The following PUS7 variants were observed in gnomAD, a reference collection of about 807,000 sequenced individuals.
PUS7 encodes the protein pseudouridylate synthase 7 homolog.
Under a neutral mutation model 79.8 loss-of-function variants are expected in PUS7, and 48 were observed. The ratio of observed to expected loss-of-function variants is 0.60; its 90% CI spans 0.48 to 0.76. The LOEUF (loss-of-function observed/expected upper bound fraction) is 0.76. Among genes scored for constraint, PUS7 ranks in the 30% least tolerant of loss-of-function variants. PUS7 has a pLI of 0.00. For synonymous variants in PUS7, 286 were observed against 272.2 expected, an observed-to-expected ratio of 1.05 and a Z score of -0.50; for missense variants, 729 against 797.6, an observed-to-expected ratio of 0.91 and a Z score of 1.04.
At chr7:105,462,351 G>C (rs551603945) in intron 14 of PUS7, 62 of 312,752 alleles carry the variant, frequency 2.0e-4, no homozygotes, top group Non-Finnish European at 2.9e-4. Flanking sequence ...AGAATCGCTT[G>C]AACCTGGGAG....
In PUS7 at chr7:105,508,105, C is replaced by T; in HGVS notation, c.398+10G>A. 5 of 1,602,546 alleles carry T rather than the reference C, an allele frequency of 3.1e-6. No homozygotes were observed. The highest frequency in any genetic ancestry group is 4.3e-6 in the Non-Finnish European group (5 of 1,174,348). ...CAATCAAAATAACTTTATTCATAAA[C>T]TAAATGTACCTTTCTTTTAAGATTC... is the stretch of plus-strand genomic sequence containing the variant. On this transcript the variant is annotated intron_variant, in intron 2 of 15. Coordinates refer to ENST00000469408, the MANE Select transcript of PUS7 (RefSeq NM_019042.5).
chr7:105,465,350 G>A lies in PUS7; in HGVS notation c.1590C>T (p.Pro530=), dbSNP rs186485849. The part of the protein sequence containing the change: ...NNYSIHDVVM[P]LPGFDVIYPK... Reference sequence around the variant, plus strand: ...GGTAGATAACATCGAAACCAGGCAAGGGCATTACCACATCATGGATAGAGT... The same window carrying A: ...GGTAGATAACATCGAAACCAGGCAAAGGCATTACCACATCATGGATAGAGT... The change falls in exon 13 of 16, where the codon CCC becomes CCT. Residue 530 remains proline, a synonymous_variant. Transcript: ENST00000469408. 4.3e-5 allele frequency: 69 copies of A among 1,613,596 alleles called. No individual in the cohort carries two copies. In the East Asian group the frequency reaches 1.5e-3, roughly 35 times the overall value.
intron 4 of PUS7, among the ~76,000 whole-genome samples, chr7:105,504,698 C>A (rs1825386392): frequency 6.6e-6 from 1 of 152,134 alleles, no homozygotes; most frequent in Non-Finnish European, 1.5e-5. Context: ...CTAAGATAAA[C>A]CTCTGCATTG....
intron 4 of PUS7, 73 bp downstream of exon 4, chr7:105,505,882 A>G: frequency 1.7e-6 from 2 of 1,197,540 alleles, no homozygotes; most frequent in South Asian, 1.4e-5. Context: ...AATTTTTTCC[A>G]TAAACACTTA....
At chr7:105,497,327 T>C (rs1176247114) in intron 5 of PUS7, among the ~76,000 whole-genome samples, 1 of 152,232 alleles carries the variant, frequency 6.6e-6, no homozygotes, top group African/African-American at 2.4e-5. Flanking sequence ...TTTACTTAAA[T>C]ATGGGAGGAC....
At chr7:105,496,220 T>TAGAG (rs1350234352) in intron 5 of PUS7, among the ~76,000 whole-genome samples, 1,101 of 83,114 alleles carry the variant, frequency 0.013, 4 homozygotes, top group African/African-American at 0.033. Flanking sequence ...TATATATATA[T>TAGAG]ATATATAGAG....
In PUS7 at chr7:105,481,064, T is replaced by C. The variant is rs1562797987; in HGVS notation, c.1163A>G (p.Tyr388Cys). 6.2e-7 allele frequency: 1 copy of C among 1,610,306 alleles called. No individual in the cohort carries two copies. The highest frequency in any genetic ancestry group is 8.5e-7 in the Non-Finnish European group (1 of 1,178,304). ...QRFGTTAVPT[Y>C]QVGRAILQNS... Reference sequence around the variant, plus strand: ...ATTAAATACCAACCTTCCAACCTGATACGTAGGGACAGCTGTGGTTCCAAA... The same window carrying C: ...ATTAAATACCAACCTTCCAACCTGACACGTAGGGACAGCTGTGGTTCCAAA... Residue 388 changes from tyrosine to cysteine, a missense_variant, in exon 9 of 16, where the codon TAT (tyrosine) becomes TGT (cysteine). Coordinates refer to ENST00000469408, the MANE Select transcript of PUS7 (RefSeq NM_019042.5).
At chr7:105,462,840 C>G in intron 13 of PUS7, 90 bp from the exon 14 acceptor site, 1 of 1,207,102 alleles carries the variant, frequency 8.3e-7, no homozygotes, top group South Asian at 1.4e-5. Flanking sequence ...AATGTAAGTT[C>G]AGTTAGACTG....
chr7:105,491,319 G>A (rs1392267325), intron 7 of PUS7, among the ~76,000 whole-genome samples: 2 of 152,000 alleles, frequency 1.3e-5, no homozygotes, highest in Non-Finnish European at 2.9e-5. Context: ...AGAGAAAGAA[G>A]CATTATTCTC....
intron 5 of PUS7, 71 bp downstream of exon 5, chr7:105,502,349 C>T (rs1005455298): frequency 8.3e-6 from 13 of 1,575,286 alleles, no homozygotes; most frequent in Middle Eastern, 1.7e-4. Context: ...CACGAACGGG[C>T]AAGGCTAACG....
intron 1 of PUS7, among the ~76,000 whole-genome samples, chr7:105,510,611 T>C: frequency 6.6e-6 from 1 of 151,966 alleles, no homozygotes; most frequent in East Asian, 2.0e-4. Flanking sequence ...CCTCCTGGGC[T>C]CAAGCCATCC....
intron 7 of PUS7, among the ~76,000 whole-genome samples, chr7:105,485,719 C>T (rs1824517190): frequency 6.6e-6 from 1 of 152,230 alleles, no homozygotes; most frequent in Non-Finnish European, 1.5e-5. Flanking sequence ...TGAATACGTA[C>T]TAAATCCTTG....
chr7:105,492,743 G>A (rs1010680159), intron 6 of PUS7, among the ~76,000 whole-genome samples: 25 of 151,828 alleles, frequency 1.6e-4, no homozygotes, highest in Admixed American at 3.3e-4. Flanking sequence ...TCCTGACCTC[G>A]TGATCCGCCC....
intron 1 of PUS7, among the ~76,000 whole-genome samples, chr7:105,518,861 C>T (rs1254244311): frequency 4.0e-5 from 6 of 151,228 alleles, no homozygotes; most frequent in Non-Finnish European, 8.9e-5. Flanking sequence ...CTCTGCCTCC[C>T]GGGTACACGA....
At chr7:105,466,924 C>A (rs1823665721) in intron 12 of PUS7, among the ~76,000 whole-genome samples, 1 of 151,212 alleles carries the variant, frequency 6.6e-6, no homozygotes, top group Non-Finnish European at 1.5e-5. Context: ...TTTATGGGGT[C>A]TGCCTGCAGA....
intron 9 of PUS7, among the ~76,000 whole-genome samples, chr7:105,479,865 G>C (rs899343440): frequency 6.6e-6 from 1 of 152,126 alleles, no homozygotes; most frequent in East Asian, 1.9e-4. Context: ...GGGTGAGGTG[G>C]TGCATGCCTG....
rs938728668 is a variant in PUS7 at position 105,456,614 on chromosome 7, C to A, written c.*1176G>T. 3.3e-5 allele frequency: 5 copies of A among 152,050 alleles called. No homozygotes were observed. The highest frequency in any genetic ancestry group is 1.2e-4 in the African/African-American group (5 of 41,404). 9.4% of individuals were successfully genotyped at this position (152,050 alleles called of 1,614,324 possible). Reference sequence around the variant, plus strand: ...AAATCATAGAAAATAAAAATTGATACAATTTTGATATACAACTTTAGAAAG... The same window carrying A: ...AAATCATAGAAAATAAAAATTGATAAAATTTTGATATACAACTTTAGAAAG... On this transcript the variant is annotated 3_prime_UTR_variant, in exon 16 of 16. Coordinates refer to ENST00000469408, the MANE Select transcript of PUS7 (RefSeq NM_019042.5).
chr7:105,510,452 T>C (rs1403143773), intron 1 of PUS7, among the ~76,000 whole-genome samples: 1 of 152,146 alleles, frequency 6.6e-6, no homozygotes, highest in African/African-American at 2.4e-5. Context: ...TTCTGGATAG[T>C]GATTGCCTAA....
At position 105,508,183 on chromosome 7, in the gene PUS7, A is replaced by G. The variant is rs747241648; in HGVS notation, c.330T>C (p.Thr110=). 34 of 1,614,054 alleles carry G rather than the reference A, an allele frequency of 2.1e-5. No individual in the cohort carries two copies. The highest frequency in any genetic ancestry group is 2.7e-5 in the Non-Finnish European group (32 of 1,180,050). Residue 110 remains threonine (T), a synonymous_variant, in exon 2 of 16, where the codon ACT becomes ACC. Coordinates refer to ENST00000469408, the MANE Select transcript of PUS7 (RefSeq NM_019042.5). ...ACTTGGTGATGCCTACGTCAGCCTC[A>G]GTGAGTCCATGCTTCATCATGTCTG... ...SFADMMKHGL[T]EADVGITKFV...
Sources: allele counts gnomAD v4.1 joint callset (sites outside exome capture counted in the v4.1 genomes callset), GRCh38; gene constraint gnomAD v4.1.1; transcripts MANE v1.5; gene names NCBI Gene and HGNC (gene_info 2026-07-23, HGNC 2026-07-21).